GRIK3: variants seen among roughly 807,000 people sequenced by gnomAD.
GRIK3 encodes glutamate receptor ionotropic, kainate 3.
Under a neutral mutation model 102.5 loss-of-function variants are expected in GRIK3, and 29 were observed. The observed-to-expected ratio is 0.28, with a 90% CI of 0.21 to 0.39. The LOEUF (loss-of-function observed/expected upper bound fraction) is 0.39. Ranked by LOEUF, GRIK3 falls within the 10% of genes least tolerant of loss-of-function variation. The probability of loss-of-function intolerance (pLI) is 1.00; values close to 1 mark genes in which losing one functional copy is unlikely to be tolerated. For missense variants in GRIK3, 908 were observed against 1,252.4 expected (o/e 0.73, Z 4.15); for synonymous variants, 511 against 504.9 (o/e 1.01, Z -0.16).
At chr1:37,025,390 C>T (rs140992899) in intron 1 of GRIK3, among the ~76,000 whole-genome samples, 15 of 152,298 alleles carry the variant, frequency 9.8e-5, no homozygotes, top group East Asian at 7.7e-4. Flanking sequence ...AGAAGCTCTG[C>T]GGATGGGGCC....
rs543539382 is a variant in GRIK3, at chr1:36,934,324, A to T, written c.116-43228T>A. On this transcript the variant is annotated intron_variant, in intron 1 of 15. Coordinates refer to ENST00000373091, the MANE Select transcript of GRIK3 (RefSeq NM_000831.4). Reference sequence around the variant, plus strand: ...CCTACTCTCCTGTGTGCAGACTCCCATGACATTGCTCTCTCTTCCTGGTCA... The same window carrying T: ...CCTACTCTCCTGTGTGCAGACTCCCTTGACATTGCTCTCTCTTCCTGGTCA... Among the ~76,000 whole-genome samples, 9 of 152,288 alleles carry T rather than the reference A, an allele frequency of 5.9e-5. No homozygotes were observed. In the South Asian group the frequency reaches 1.9e-3, roughly 32 times the overall value.
At chr1:37,009,898 G>A (rs1321123191) in intron 1 of GRIK3, among the ~76,000 whole-genome samples, 1 of 152,124 alleles carries the variant, frequency 6.6e-6, no homozygotes, top group Non-Finnish European at 1.5e-5. Flanking sequence ...ACTGTTGGGG[G>A]GAGCTTGGAG....
intron 10 of GRIK3, among the ~76,000 whole-genome samples, chr1:36,837,568 A>G (rs1640395298): frequency 6.6e-6 from 1 of 152,138 alleles, no homozygotes; most frequent in Non-Finnish European, 1.5e-5. Context: ...GCACAGCAGC[A>G]GAGTGACCTT....
rs1014137452 is a variant in GRIK3, at chr1:36,825,794, G to T, written c.1563C>A (p.Ile521=). Residue 521 remains isoleucine, a synonymous_variant, in exon 11 of 16, where the codon ATC becomes ATA. Transcript: ENST00000373091. ...KADLAVAPLT[I]THVREKAIDF... ...CGATGGCCTTCTCTCGAACATGGGT[G>T]ATGGTCAGGGGGGCCACGGCCAGAT... The T allele has an allele frequency of 6.2e-6, 10 of 1,613,010 alleles. No homozygotes were observed. The highest frequency in any genetic ancestry group is 8.5e-6 in the Non-Finnish European group (10 of 1,179,508).
intron 1 of GRIK3, among the ~76,000 whole-genome samples, chr1:36,975,729 G>A (rs562847196): frequency 1.5e-4 from 23 of 152,190 alleles, no homozygotes; most frequent in Non-Finnish European, 3.1e-4. Flanking sequence ...TATCCCCACT[G>A]CTGCGTGCTC....
intron 13 of GRIK3, among the ~76,000 whole-genome samples, chr1:36,814,141 G>A (rs1642594196): frequency 6.6e-6 from 1 of 152,218 alleles, no homozygotes; most frequent in African/African-American, 2.4e-5. Flanking sequence ...TGTGGGAGGT[G>A]CTGCTTGATG....
chr1:36,862,711 C>T (rs985977614), intron 5 of GRIK3, among the ~76,000 whole-genome samples: 4 of 152,138 alleles, frequency 2.6e-5, no homozygotes, highest in Admixed American at 1.3e-4. Flanking sequence ...CACCTGGGCT[C>T]GAGTTTCACC....
chr1:36,954,754 G>GAC (rs1275869083), intron 1 of GRIK3, among the ~76,000 whole-genome samples: 1 of 152,170 alleles, frequency 6.6e-6, no homozygotes, highest in Non-Finnish European at 1.5e-5. Flanking sequence ...CACGCACAAG[G>GAC]ACACACACAT....
chr1:36,833,109 A>G (rs1466648893), intron 10 of GRIK3, among the ~76,000 whole-genome samples: 6 of 152,120 alleles, frequency 3.9e-5, no homozygotes, highest in Admixed American at 3.3e-4. Context: ...AGCCTGGCAC[A>G]ATGTAGGGGC....
At chr1:36,975,472 T>C (rs112003560) in intron 1 of GRIK3, among the ~76,000 whole-genome samples, 2,945 of 152,134 alleles carry the variant, frequency 0.019, 54 homozygotes, top group South Asian at 0.099. Context: ...TTTTTTGTAT[T>C]TTTAGTAGAG....
At chr1:36,908,844 G>A (rs940224016) in intron 1 of GRIK3, among the ~76,000 whole-genome samples, 1 of 151,922 alleles carries the variant, frequency 6.6e-6, no homozygotes, top group African/African-American at 2.4e-5. Flanking sequence ...CAGAAGACGT[G>A]AGCAGGGGTG....
chr1:36,876,339 A>C (rs1640912473), intron 3 of GRIK3, among the ~76,000 whole-genome samples: 1 of 152,192 alleles, frequency 6.6e-6, no homozygotes, highest in African/African-American at 2.4e-5. Flanking sequence ...CCTGGGTGAC[A>C]GAGTGAGACC....
chr1:36,973,739 T>A (rs1263498097), intron 1 of GRIK3, among the ~76,000 whole-genome samples: 1 of 152,078 alleles, frequency 6.6e-6, no homozygotes, highest in East Asian at 1.9e-4. Context: ...TAGACATCAC[T>A]TCTTTAGGGA....
intron 1 of GRIK3, among the ~76,000 whole-genome samples, chr1:36,898,673 CA>C (rs1641200315): frequency 6.6e-6 from 1 of 152,062 alleles, no homozygotes; most frequent in Non-Finnish European, 1.5e-5. Flanking sequence ...ATCCCAATGA[CA>C]TTTTTTTGCA....
chr1:36,830,292 T>C (rs1298080974), intron 10 of GRIK3, among the ~76,000 whole-genome samples: 1 of 152,158 alleles, frequency 6.6e-6, no homozygotes, highest in Admixed American at 6.6e-5. Flanking sequence ...ACCCAGTTCA[T>C]TGTGATCTCA....
chr1:37,031,177 C>A (rs557431937), intron 1 of GRIK3, among the ~76,000 whole-genome samples: 2 of 152,330 alleles, frequency 1.3e-5, no homozygotes, highest in South Asian at 4.1e-4. Context: ...ACCTTCAATG[C>A]ACAACATTTG....
chr1:37,008,756 G>A (rs1642557800), intron 1 of GRIK3, among the ~76,000 whole-genome samples: 1 of 152,186 alleles, frequency 6.6e-6, no homozygotes, highest in Non-Finnish European at 1.5e-5. Context: ...ACTGCCTCCA[G>A]GACAGCGAGG....
At chr1:36,961,948 T>C (rs1470810208) in intron 1 of GRIK3, among the ~76,000 whole-genome samples, 1 of 152,036 alleles carries the variant, frequency 6.6e-6, no homozygotes, top group Non-Finnish European at 1.5e-5. Context: ...TGATTCCACA[T>C]GTGGTGAGAA....
chr1:36,871,369 G>A (rs909719152), intron 4 of GRIK3, among the ~76,000 whole-genome samples: 4 of 152,196 alleles, frequency 2.6e-5, no homozygotes, highest in South Asian at 2.1e-4. Context: ...CCGGCTCAGC[G>A]TGTCTCCTCC....
Sources: gnomAD v4.1 joint callset for allele counts (sites outside exome capture counted in the v4.1 genomes callset) on GRCh38, gnomAD v4.1.1 for gene constraint, MANE v1.5 for transcripts, NCBI Gene and HGNC (gene_info 2026-07-23, HGNC 2026-07-21) for gene names.